The following NEDD4 variants were observed in gnomAD, a reference collection of about 807,000 sequenced individuals.
NEDD4 encodes E3 ubiquitin-protein ligase NEDD4.
NEDD4 carries 99 observed loss-of-function variants against 144.9 expected under a neutral mutation model. That is an observed-to-expected ratio of 0.68 (90% CI 0.58 to 0.81). NEDD4 has a LOEUF of 0.81. NEDD4 is among the 30% of genes least tolerant of loss of function. The probability of loss-of-function intolerance (pLI) is 0.00; values close to 1 mark genes in which losing one functional copy is unlikely to be tolerated. For synonymous variants in NEDD4, 318 were observed against 350.6 expected (o/e 0.91, Z 1.04); for missense variants, 985 against 1,065.9 (o/e 0.92, Z 1.06).
intron 1 of NEDD4, among the ~76,000 whole-genome samples, chr15:55,972,509 T>C (rs12441606): frequency 0.15 from 22,572 of 152,024 alleles, 1,810 homozygotes; most frequent in East Asian, 0.32. Context: ...TAACATCAAG[T>C]TAAAAAATCT....
At chr15:55,842,224 T>G (rs2033547144) in intron 18 of NEDD4, 61 bp from the exon 19 acceptor site, 1 of 1,377,562 alleles carries the variant, frequency 7.3e-7, no homozygotes, top group Non-Finnish European at 1.0e-6. Context: ...CAAACCCATC[T>G]CTCATAAAGT....
intron 5 of NEDD4, among the ~76,000 whole-genome samples, chr15:55,918,661 CA>C: frequency 6.6e-6 from 1 of 151,474 alleles, no homozygotes; most frequent in East Asian, 1.9e-4. Context: ...AATTAAGACA[CA>C]AAACAGAATT....
intron 4 of NEDD4, among the ~76,000 whole-genome samples, chr15:55,940,410 T>C (rs139634497): frequency 6.6e-6 from 1 of 152,136 alleles, no homozygotes; most frequent in African/African-American, 2.4e-5. Flanking sequence ...ATACCCCCAA[T>C]AAATCAGTTA....
chr15:55,956,178 T>A (rs370785559), intron 2 of NEDD4, among the ~76,000 whole-genome samples: 49 of 152,262 alleles, frequency 3.2e-4, no homozygotes, highest in African/African-American at 1.2e-3. Context: ...ATTTATGGGG[T>A]ACATGAGATT....
chr15:55,913,967 T>C (rs1428293884), intron 5 of NEDD4, among the ~76,000 whole-genome samples: 5 of 151,968 alleles, frequency 3.3e-5, no homozygotes, highest in Non-Finnish European at 7.4e-5. Context: ...AGAAAAACAG[T>C]TGATTAGATT....
chr15:55,921,967 G>T (rs548430274), intron 5 of NEDD4, among the ~76,000 whole-genome samples: 1 of 152,150 alleles, frequency 6.6e-6, no homozygotes, highest in Non-Finnish European at 1.5e-5. Context: ...TGCAAATAAC[G>T]CAAATAAAAT....
chr15:55,917,188 A>C, intron 5 of NEDD4: 1 of 1,005,634 alleles, frequency 9.9e-7, no homozygotes, highest in Non-Finnish European at 1.2e-6. Flanking sequence ...AATTTGCATG[A>C]ATGAGTAACA....
At chr15:55,830,856 C>T (rs1355819974) in intron 27 of NEDD4, among the ~76,000 whole-genome samples, 11 of 152,108 alleles carry the variant, frequency 7.2e-5, no homozygotes, top group African/African-American at 2.2e-4. Flanking sequence ...TGCACCACCA[C>T]GCCTGGCTAA....
intron 1 of NEDD4, among the ~76,000 whole-genome samples, chr15:55,981,041 CTTTTT>C (rs752631416): frequency 7.0e-6 from 1 of 142,018 alleles, no homozygotes; most frequent in Admixed American, 7.1e-5. Flanking sequence ...ATATTTTTTC[CTTTTT>C]TTTTTTTTTG....
intron 5 of NEDD4, among the ~76,000 whole-genome samples, chr15:55,919,527 T>C (rs2036529872): frequency 2.0e-5 from 3 of 152,182 alleles, no homozygotes; most frequent in African/African-American, 7.2e-5. Flanking sequence ...GGATCTATAC[T>C]GCTATTATAG....
At chr15:55,922,008 C>CA (rs1350407482) in intron 5 of NEDD4, among the ~76,000 whole-genome samples, 1 of 152,156 alleles carries the variant, frequency 6.6e-6, no homozygotes, top group East Asian at 1.9e-4. Context: ...AATGATCAGG[C>CA]AAAATTCACA....
At chr15:55,940,141 A>T (rs2036969431) in intron 4 of NEDD4, among the ~76,000 whole-genome samples, 2 of 152,204 alleles carry the variant, frequency 1.3e-5, no homozygotes, top group Non-Finnish European at 2.9e-5. Context: ...TTACTCACAA[A>T]AAGTATCTAA....
At chr15:55,881,286 C>A (rs1241046148) in intron 5 of NEDD4, among the ~76,000 whole-genome samples, 3 of 151,866 alleles carry the variant, frequency 2.0e-5, no homozygotes, top group African/African-American at 7.3e-5. Context: ...GGATTACAGG[C>A]ACACGCCACC....
chr15:55,980,137 G>A (rs547309486), intron 1 of NEDD4, among the ~76,000 whole-genome samples: 11 of 152,166 alleles, frequency 7.2e-5, no homozygotes, highest in African/African-American at 2.2e-4. Context: ...TTGCCACGTT[G>A]GCCAGGCTGA....
intron 1 of NEDD4, among the ~76,000 whole-genome samples, chr15:55,983,380 G>A (rs1005022742): frequency 2.0e-5 from 3 of 152,126 alleles, no homozygotes; most frequent in Non-Finnish European, 4.4e-5. Flanking sequence ...TGCCAGGCTT[G>A]CCTGATCAGG....
At chr15:55,952,456 C>T (rs1256963613) in intron 2 of NEDD4, among the ~76,000 whole-genome samples, 2 of 152,206 alleles carry the variant, frequency 1.3e-5, no homozygotes, top group African/African-American at 2.4e-5. Context: ...GGACACTTTA[C>T]TTGTCCATTG....
Position 55,931,423 on chromosome 15 carries a change from A to G in NEDD4, c.238-6724T>C, listed in dbSNP as rs1163493145. ...TAAAACTATGTGCAAATTCTTTCACAAGATTTTTTAAATTTATTGAAGATA... is the reference window on the plus strand; with the variant it reads ...TAAAACTATGTGCAAATTCTTTCACGAGATTTTTTAAATTTATTGAAGATA... On this transcript the variant is annotated intron_variant, in intron 4 of 28. Transcript: ENST00000435532. Among the ~76,000 whole-genome samples the G allele has an allele frequency of 2.6e-5, 4 of 152,352 alleles. No homozygotes were observed. In the East Asian group the frequency reaches 7.7e-4, roughly 29 times the overall value.
intron 8 of NEDD4, among the ~76,000 whole-genome samples, chr15:55,868,118 C>T (rs1355823509): frequency 6.6e-6 from 1 of 151,810 alleles, no homozygotes; most frequent in African/African-American, 2.4e-5. Flanking sequence ...AGCAAAATCT[C>T]ATTAGTGCAT....
At chr15:55,885,942 A>G (rs1475364277) in intron 5 of NEDD4, among the ~76,000 whole-genome samples, 1 of 152,080 alleles carries the variant, frequency 6.6e-6, no homozygotes, top group Non-Finnish European at 1.5e-5. Context: ...AGACCCAACA[A>G]TCTGTTGTCT....
Sources: allele counts gnomAD v4.1 joint callset (sites outside exome capture counted in the v4.1 genomes callset), GRCh38; gene constraint gnomAD v4.1.1; transcripts MANE v1.5; gene names NCBI Gene and HGNC (gene_info 2026-07-23, HGNC 2026-07-21).